TNR: variants seen among roughly 807,000 people sequenced by gnomAD.
TNR encodes tenascin R, also known as tenascin-R.
TNR carries 45 observed loss-of-function variants against 150.4 expected under a neutral mutation model. The observed-to-expected ratio is 0.30, with a 90% confidence interval of 0.24 to 0.38. TNR has a LOEUF of 0.38. Ranked by LOEUF, TNR falls within the 10% of genes least tolerant of loss-of-function variation. The probability of loss-of-function intolerance (pLI) is 1.00; values close to 1 mark genes in which losing one functional copy is unlikely to be tolerated. For synonymous variants in TNR, 687 were observed against 678.4 expected (o/e 1.01, Z -0.20); for missense variants, 1,544 against 1,759.1 (o/e 0.88, Z 2.19).
chr1:175,681,900 C>A (rs1558070667), intron 1 of TNR, among the ~76,000 whole-genome samples: 1 of 152,156 alleles, frequency 6.6e-6, no homozygotes, highest in Non-Finnish European at 1.5e-5. Context: ...AAATGGGGGT[C>A]TGAAGGGAGG....
intron 1 of TNR, among the ~76,000 whole-genome samples, chr1:175,548,978 T>G (rs1660828949): frequency 6.6e-6 from 1 of 152,230 alleles, no homozygotes; most frequent in African/African-American, 2.4e-5. Flanking sequence ...CATGTCCCTG[T>G]GCCAAGGAGC....
chr1:175,380,174 G>A (rs1383394546), intron 8 of TNR, among the ~76,000 whole-genome samples: 1 of 152,172 alleles, frequency 6.6e-6, no homozygotes, highest in African/African-American at 2.4e-5. Flanking sequence ...AGTGTAAGGT[G>A]CCTTCCTCTG....
chr1:175,610,081 C>A (rs546402439), intron 1 of TNR, among the ~76,000 whole-genome samples: 36 of 152,316 alleles, frequency 2.4e-4, no homozygotes, highest in African/African-American at 8.4e-4. Context: ...TGATTCAAGA[C>A]AGATAATATA....
chr1:175,323,258 T>A lies in TNR; in HGVS notation c.*99A>T. The A allele has an allele frequency of 6.7e-7, 1 of 1,486,616 alleles. No homozygotes were observed. Among genetic ancestry groups the A allele is most frequent in the Non-Finnish European group, 9.2e-7 (1 of 1,090,730 alleles). The allele number at this position is 1,486,616 out of a possible 1,614,324, so 92.1% of individuals were successfully genotyped here. A position where few individuals can be genotyped will look rare whatever the true frequency, so the allele number is the denominator to read the frequency against. ...CTGCTTCCTTCACATACTCTTAATATGTTGCAAAACACATTGCTATTACCC... is the reference window on the plus strand; with the variant it reads ...CTGCTTCCTTCACATACTCTTAATAAGTTGCAAAACACATTGCTATTACCC... On this transcript the variant is annotated 3_prime_UTR_variant, in exon 23 of 23. Transcript: ENST00000367674.
chr1:175,708,935 A>G (rs1666915453), intron 1 of TNR, among the ~76,000 whole-genome samples: 1 of 152,190 alleles, frequency 6.6e-6, no homozygotes, highest in Admixed American at 6.5e-5. Flanking sequence ...TCTCATAGAG[A>G]CATGAGATAT....
rs1190384039 is a variant in TNR, at chr1:175,321,282, A to G, written c.*2075T>C. The stretch of plus-strand genomic sequence containing the variant: ...CACACTGCCGCAGTGAACAAAGCCT[A>G]GAAGCCTGCGGCAAGGGAAGCGCCT... On this transcript the variant is annotated 3_prime_UTR_variant, in exon 23 of 23. Transcript: ENST00000367674. 2.6e-5 allele frequency: 4 copies of G among 152,376 alleles called. No individual in the cohort carries two copies. The highest frequency in any genetic ancestry group is 9.6e-5 in the African/African-American group (4 of 41,588). The allele number at this position is 152,376 out of a possible 1,614,324, so 9.4% of individuals were successfully genotyped here.
In TNR at chr1:175,385,907, A is replaced by G. The variant is rs969120030; in HGVS notation, c.1777+125T>C. On this transcript the variant is annotated intron_variant, in intron 8 of 22. Transcript: ENST00000367674. ...CTCTTGCTTCCTTCTCGCGGTGTCTATGACAAGGCCAATGCTCTGACACAC... is the reference window on the plus strand; with the variant it reads ...CTCTTGCTTCCTTCTCGCGGTGTCTGTGACAAGGCCAATGCTCTGACACAC... The G allele has an allele frequency of 8.7e-6, 10 of 1,153,906 alleles. No individual in the cohort carries two copies. The East Asian group carries it at 2.0e-4, about 23-fold the overall frequency. The allele number at this position is 1,153,906 out of a possible 1,614,324, so 71.5% of individuals were successfully genotyped here.
intron 1 of TNR, among the ~76,000 whole-genome samples, chr1:175,643,959 G>C (rs1168248888): frequency 6.6e-6 from 1 of 152,150 alleles, no homozygotes; most frequent in Non-Finnish European, 1.5e-5. Context: ...AGACCACCCA[G>C]GATTAAGTAA....
rs899634418 is a variant in TNR at position 175,406,507 on chromosome 1, T to G, written c.208A>C (p.Asn70His). 6.2e-7 allele frequency: 1 copy of G among 1,614,200 alleles called. No homozygotes were observed. The highest frequency in any genetic ancestry group is 8.5e-7 in the Non-Finnish European group (1 of 1,180,032). The change falls in exon 3 of 23, where the codon AAC becomes CAC. Residue 70 changes from asparagine (N) to histidine (H), a missense_variant. Physicochemically the swap from Asn to His is moderately conservative, Grantham distance 68. Around this residue, in one of 2 missense-constraint regions of TNR, gnomAD observed 1,254 missense variants for 1,329.4 expected, o/e 0.94. Coordinates refer to ENST00000367674, the MANE Select transcript of TNR (RefSeq NM_003285.3). ...AGGTTGTCCAAGGGCACGTTAATGT[T>G]GTACACGTGGTTGAAGACCACAGGC... Reference protein sequence around the residue: ...EQPVVFNHVYNINVPLDNLCS... With the variant: ...EQPVVFNHVYHINVPLDNLCS...
intron 17 of TNR, 140 bp downstream of exon 17, chr1:175,355,363 C>T: frequency 8.4e-7 from 1 of 1,193,366 alleles, no homozygotes; most frequent in South Asian, 1.5e-5. Flanking sequence ...GCTGGGTATC[C>T]TTGATGGGAA....
intron 1 of TNR, among the ~76,000 whole-genome samples, chr1:175,724,001 T>C (rs1278723878): frequency 3.3e-5 from 5 of 152,116 alleles, no homozygotes; most frequent in Non-Finnish European, 4.4e-5. Context: ...TTTGAGAAAA[T>C]TGATATTGGA....
chr1:175,691,280 G>A (rs571537864), intron 1 of TNR, among the ~76,000 whole-genome samples: 7 of 152,134 alleles, frequency 4.6e-5, no homozygotes, highest in East Asian at 1.9e-4. Context: ...AGAGATCAAC[G>A]GTTTCAAAAT....
At chr1:175,384,182 A>G (rs1255658752) in intron 8 of TNR, among the ~76,000 whole-genome samples, 1 of 152,224 alleles carries the variant, frequency 6.6e-6, no homozygotes, top group Non-Finnish European at 1.5e-5. Context: ...AAACAAAACT[A>G]TCTTGAAATT....
intron 4 of TNR, among the ~76,000 whole-genome samples, chr1:175,402,188 T>G (rs560689521): frequency 6.6e-6 from 1 of 151,112 alleles, no homozygotes; most frequent in Non-Finnish European, 1.5e-5. Flanking sequence ...GCGCCTGTAG[T>G]CCCAGCTACT....
chr1:175,728,870 G>T (rs973795578), intron 1 of TNR, among the ~76,000 whole-genome samples: 2 of 152,170 alleles, frequency 1.3e-5, no homozygotes, highest in Non-Finnish European at 2.9e-5. Context: ...AGATTCCATT[G>T]TTTCCTCCTA....
chr1:175,610,004 C>T (rs1571672415), intron 1 of TNR, among the ~76,000 whole-genome samples: 2 of 152,162 alleles, frequency 1.3e-5, no homozygotes, highest in East Asian at 3.8e-4. Flanking sequence ...TAATTAAATA[C>T]AACTAATTAG....
chr1:175,637,304 A>G (rs1664515057), intron 1 of TNR, among the ~76,000 whole-genome samples: 1 of 152,248 alleles, frequency 6.6e-6, no homozygotes, highest in Non-Finnish European at 1.5e-5. Flanking sequence ...TACAGCCATT[A>G]CTACTGATGT....
intron 2 of TNR, among the ~76,000 whole-genome samples, chr1:175,514,646 T>G (rs1053891967): frequency 3.9e-5 from 6 of 152,092 alleles, no homozygotes; most frequent in Admixed American, 3.9e-4. Flanking sequence ...AAGTCTACAG[T>G]TTTAAATGCC....
At chr1:175,593,908 G>GC (rs531193968) in intron 1 of TNR, among the ~76,000 whole-genome samples, 12 of 152,314 alleles carry the variant, frequency 7.9e-5, no homozygotes, top group Admixed American at 3.9e-4. Flanking sequence ...ACTCTGGCTG[G>GC]CAACAGTGCT....
Sources: allele counts gnomAD v4.1 joint callset (sites outside exome capture counted in the v4.1 genomes callset), GRCh38; gene constraint gnomAD v4.1.1; regional missense constraint gnomAD v4.1.1; transcripts MANE v1.5; gene names NCBI Gene and HGNC (gene_info 2026-07-23, HGNC 2026-07-21).